The following TTN variants were observed in gnomAD, a reference collection of about 807,000 sequenced individuals.
The protein encoded by TTN is connectin.
In TTN, 1,525 loss-of-function variants were observed where a neutral mutation model predicts 3,223.0. That is an observed-to-expected ratio of 0.47 (90% CI 0.45 to 0.49). TTN has a LOEUF of 0.49. Ranked by LOEUF, TTN falls within the 20% of genes least tolerant of loss-of-function variation. The pLI, the probability that TTN is intolerant of heterozygous loss-of-function variation, is 0.00. For synonymous variants in TTN, 14,094 were observed against 15,161.0 expected (o/e 0.93, Z 5.17); for missense variants, 40,786 against 43,424.0 (o/e 0.94, Z 5.40).
chr2:178,698,691 C>T (rs563390028), intron 112 of TTN, among the ~76,000 whole-genome samples, 152 bp downstream of exon 112: 1 of 152,052 alleles, frequency 6.6e-6, no homozygotes, highest in East Asian at 1.9e-4. Flanking sequence ...AGAGTGAGGA[C>T]TGAGTCAAAG....
rs1389187405 is a variant in TTN, at chr2:178,666,807, T to C, written c.35875+17A>G. On this transcript the variant is annotated intron_variant, in intron 163 of 362. Transcript: ENST00000589042. The stretch of plus-strand genomic sequence containing the variant: ...GCAAACATGAGATTAAAAAGGTGAC[T>C]TTCTTCCAACTTGTACCTGTTGGTG... The C allele has an allele frequency of 6.5e-7, 1 of 1,538,606 alleles. No individual in the cohort carries two copies. Among genetic ancestry groups the C allele is most frequent in the Non-Finnish European group, 8.7e-7 (1 of 1,144,250 alleles).
Position 178,568,426 on chromosome 2 carries a change from G to T in TTN, c.77706C>A (p.Asp25902Glu). The stretch of plus-strand genomic sequence containing the variant: ...ATAATGTAATACTTTCAGCACTGAC[G>T]TCATCAAATTTAACAGGTCCTTTTG... ...DPPKGPVKFDDVSAESITLSW... is the reference protein window; with the variant it reads ...DPPKGPVKFDEVSAESITLSW... Residue 25902 changes from aspartate (D) to glutamate (E), a missense_variant, in exon 326 of 363, where the codon GAC becomes GAA. Asp to Glu is a conservative substitution (Grantham distance 45, BLOSUM62 2). Coordinates refer to ENST00000589042, the MANE Select transcript of TTN (RefSeq NM_001267550.2). The T allele has an allele frequency of 1.9e-6, 3 of 1,613,162 alleles. No individual in the cohort carries two copies. Among genetic ancestry groups the T allele is most frequent in the Non-Finnish European group, 2.5e-6 (3 of 1,179,538 alleles).
rs745898273 is a variant in TTN at position 178,663,611 on chromosome 2, A to T, written c.36532+16T>A. The T allele has an allele frequency of 2.5e-6, 4 of 1,613,612 alleles. No homozygotes were observed. Among genetic ancestry groups the T allele is most frequent in the Non-Finnish European group, 3.4e-6 (4 of 1,179,758 alleles). ...AAGAGATACATCATCTGAAGCCTAA[A>T]ATCAGTGACAAATACCTTTAACAGG... On this transcript the variant is annotated intron_variant, in intron 171 of 362. Coordinates refer to ENST00000589042, the MANE Select transcript of TTN (RefSeq NM_001267550.2).
rs1686985156 is a variant in TTN, at chr2:178,527,559, A to G, written c.107567T>C (p.Met35856Thr). The change falls in exon 362 of 363, where the codon ATG becomes ACG. Residue 35856 changes from methionine to threonine, a missense_variant. Physicochemically the swap from Met to Thr is moderately conservative, Grantham distance 81. Coordinates refer to ENST00000589042, the MANE Select transcript of TTN (RefSeq NM_001267550.2). ...TACAAAGGACTCTTGCATGGAGGACATGCTTTGGGCAGACATGCTTGCAAA... is the reference window on the plus strand; with the variant it reads ...TACAAAGGACTCTTGCATGGAGGACGTGCTTTGGGCAGACATGCTTGCAAA... Reference protein sequence around the residue: ...MKFASMSAQSMSSMQESFVEM... With the variant: ...MKFASMSAQSTSSMQESFVEM... 3 of 1,614,020 alleles carry G rather than the reference A, an allele frequency of 1.9e-6. No homozygotes were observed. The East Asian group carries it at 6.7e-5, about 36-fold the overall frequency.
chr2:178,750,841 T>C (rs1275911387), intron 47 of TTN: 24 of 1,613,110 alleles, frequency 1.5e-5, no homozygotes, highest in Middle Eastern at 1.6e-4. Flanking sequence ...TAGTGATATA[T>C]GTGGATGACT....
chr2:178,760,498 C>T (rs1436724453), intron 43 of TTN, among the ~76,000 whole-genome samples: 5 of 152,110 alleles, frequency 3.3e-5, no homozygotes, highest in Non-Finnish European at 7.4e-5. Context: ...AGCCTGGTGA[C>T]AGAGCAAGAC....
At chr2:178,779,895 T>C in intron 22 of TTN, 105 bp downstream of exon 22, 2 of 1,136,576 alleles carry the variant, frequency 1.8e-6, no homozygotes, top group Non-Finnish European at 2.6e-6. Flanking sequence ...GACCTTCTAA[T>C]AGCTGTCTAA....
At chr2:178,652,822 T>G in intron 200 of TTN, 26 bp downstream of exon 200, 2 of 1,609,310 alleles carry the variant, frequency 1.2e-6, no homozygotes, top group Non-Finnish European at 1.7e-6. Flanking sequence ...TTTGATCTTC[T>G]GAAGCCTAAA....
rs373298007 is a variant in TTN, at chr2:178,630,312, C to T, written c.44210G>A (p.Arg14737His). 83 of 1,612,972 alleles carry T rather than the reference C, an allele frequency of 5.1e-5. 1 individual carries two copies. The highest frequency in any genetic ancestry group is 4.5e-4 in the Admixed American group (27 of 59,950). ...ATCCACCCCACCCGTCTGGTCCAGG[C>T]GACAGTTGTGCAAAACAAGGGAGTG... ...KIHSLVLHNCRLDQTGGVDFQ... is the reference protein window; with the variant it reads ...KIHSLVLHNCHLDQTGGVDFQ... Residue 14737 changes from arginine (R) to histidine (H), a missense_variant, in exon 239 of 363, where the codon CGC becomes CAC. By Grantham distance (29) the Arg-to-His change is conservative (BLOSUM62 0). Coordinates refer to ENST00000589042, the MANE Select transcript of TTN (RefSeq NM_001267550.2).
rs1463655441 is a variant in TTN, at chr2:178,571,410, C to T, written c.74722G>A (p.Val24908Ile). 1 of 1,613,328 alleles carries T rather than the reference C, an allele frequency of 6.2e-7. No homozygotes were observed. The highest frequency in any genetic ancestry group is 8.5e-7 in the Non-Finnish European group (1 of 1,179,592). Residue 24908 changes from valine to isoleucine, a missense_variant, in exon 326 of 363, where the codon GTT (valine) becomes ATT (isoleucine). Val to Ile is a conservative substitution (Grantham distance 29). Transcript: ENST00000589042. ...EPTVAQYPFK[V>I]PGPPGTPVVT... ...ACTGGAGTGCCAGGAGGACCAGGAA[C>T]TTTGAATGGATATTGGGCTACAGTA... is the stretch of plus-strand genomic sequence containing the variant.
At position 178,561,330 on chromosome 2, in the gene TTN, A is replaced by C; in HGVS notation, c.84802T>G (p.Ser28268Ala). 1 of 1,613,690 alleles carries C rather than the reference A, an allele frequency of 6.2e-7. No homozygotes were observed. The highest frequency in any genetic ancestry group is 8.5e-7 in the Non-Finnish European group (1 of 1,179,784). ...QPEVTNITRKSVSLKWSKPHY... is the reference protein window; with the variant it reads ...QPEVTNITRKAVSLKWSKPHY... The stretch of plus-strand genomic sequence containing the variant: ...GGTTTAGACCATTTAAGTGACACTG[A>C]TTTTCTTGTGATATTTGTGACTTCA... The change falls in exon 326 of 363, where the codon TCA (serine) becomes GCA (alanine). Residue 28268 changes from serine (S) to alanine (A), a missense_variant. Physicochemically the swap from Ser to Ala is moderately conservative, Grantham distance 99. Coordinates refer to ENST00000589042, the MANE Select transcript of TTN (RefSeq NM_001267550.2).
At chr2:178,597,449 G>A (rs1255958421) in intron 294 of TTN, 89 bp downstream of exon 294, 1 of 1,401,434 alleles carries the variant, frequency 7.1e-7, no homozygotes, top group African/African-American at 1.5e-5. Flanking sequence ...TTTCCAAAAT[G>A]TTTGTTACAC....
chr2:178,779,311 T>G lies in TTN; in HGVS notation c.3881A>C (p.Asp1294Ala), dbSNP rs1233143011. The G allele has an allele frequency of 3.1e-6, 5 of 1,613,632 alleles. No individual in the cohort carries two copies. In the South Asian group the frequency reaches 3.3e-5, roughly 11 times the overall value. The change falls in exon 23 of 363, where the codon GAT becomes GCT. Residue 1294 changes from aspartate to alanine, a missense_variant. Physicochemically the swap from Asp to Ala is moderately radical, Grantham distance 126 (BLOSUM62 -2). Coordinates refer to ENST00000589042, the MANE Select transcript of TTN (RefSeq NM_001267550.2). ...AATTCTATAATTCTTGATTCTTGAA[T>G]CAAATCCTGATTCAACAGCTTCAGA... ...SESEAVESGF[D>A]SRIKNYRILE...
Position 178,689,080 on chromosome 2 carries a change from C to G in TTN, c.32068G>C (p.Val10690Leu), listed in dbSNP as rs779005105. Residue 10690 changes from valine (V) to leucine (L), a missense_variant, in exon 125 of 363, where the codon GTC (valine) becomes CTC (leucine). By Grantham distance (32) the Val-to-Leu change is conservative. Transcript: ENST00000589042. ...PEEKVAVPVPVAKKAPPPRAE... is the reference protein window; with the variant it reads ...PEEKVAVPVPLAKKAPPPRAE... ...CGGGGAGGAGGAGCTTTCTTAGCGACAGGAACTGGCACTGCAACTTTCTCC... is the reference window on the plus strand; with the variant it reads ...CGGGGAGGAGGAGCTTTCTTAGCGAGAGGAACTGGCACTGCAACTTTCTCC... 2 of 1,603,794 alleles carry G rather than the reference C, an allele frequency of 1.2e-6. No homozygotes were observed. Among genetic ancestry groups the G allele is most frequent in the East Asian group, 2.2e-5 (1 of 44,500 alleles).
intron 278 of TTN, among the ~76,000 whole-genome samples, chr2:178,606,325 T>C (rs1313097431): frequency 6.6e-6 from 1 of 151,844 alleles, no homozygotes; most frequent in Non-Finnish European, 1.5e-5. Flanking sequence ...GCACAGCCTG[T>C]GGTATATTGG....
In TTN at chr2:178,574,214, T is replaced by C. The variant is rs1709269471; in HGVS notation, c.71918A>G (p.Lys23973Arg). The change falls in exon 326 of 363, where the codon AAG (lysine) becomes AGG (arginine). Residue 23973 changes from lysine to arginine, a missense_variant. By Grantham distance (26) the Lys-to-Arg change is conservative (BLOSUM62 2). Transcript: ENST00000589042. ...CTCCAAAATGTTGCTGAAGTTGGCC[T>C]TCAGCCACCGTCCATTAGGAAGGTC... is the stretch of plus-strand genomic sequence containing the variant. ...KRDLPNGRWLKANFSNILENE... is the reference protein window; with the variant it reads ...KRDLPNGRWLRANFSNILENE... 1.2e-6 allele frequency: 2 copies of C among 1,613,452 alleles called. No individual in the cohort carries two copies. The highest frequency in any genetic ancestry group is 2.2e-5 in the South Asian group (2 of 91,072).
intron 43 of TTN, among the ~76,000 whole-genome samples, chr2:178,760,061 A>T (rs77841333): frequency 0.11 from 16,467 of 152,182 alleles, 1,339 homozygotes; most frequent in Admixed American, 0.28. Flanking sequence ...TTGGTCTCAA[A>T]ACCATCCAAG....
chr2:178,689,061 G>A lies in TTN; in HGVS notation c.32087C>T (p.Pro10696Leu). 6.2e-7 allele frequency: 1 copy of A among 1,610,778 alleles called. No individual in the cohort carries two copies. The highest frequency in any genetic ancestry group is 1.1e-5 in the South Asian group (1 of 90,680). ...ATTGAGGCAAATCCTACCTCGGGGAGGAGGAGCTTTCTTAGCGACAGGAAC... is the reference window on the plus strand; with the variant it reads ...ATTGAGGCAAATCCTACCTCGGGGAAGAGGAGCTTTCTTAGCGACAGGAAC... ...VPVPVAKKAPPPRAEVSKKTV... is the reference protein window; with the variant it reads ...VPVPVAKKAPLPRAEVSKKTV... Residue 10696 changes from proline (P) to leucine (L), a missense_variant, in exon 125 of 363, where the codon CCT becomes CTT. By Grantham distance (98) the Pro-to-Leu change is moderately conservative. Transcript: ENST00000589042.
intron 2 of TTN, among the ~76,000 whole-genome samples, chr2:178,803,737 C>T (rs1418252967): frequency 4.0e-5 from 6 of 151,420 alleles, no homozygotes; most frequent in Admixed American, 2.0e-4. Context: ...TCTTACATGG[C>T]TCGTTACAAT....
Sources: allele counts gnomAD v4.1 joint callset (sites outside exome capture counted in the v4.1 genomes callset), GRCh38; gene constraint gnomAD v4.1.1; transcripts MANE v1.5; gene names NCBI Gene and HGNC (gene_info 2026-07-23, HGNC 2026-07-21).